Variants in COL4A2 observed in about 807,000 individuals in gnomAD.
The protein encoded by COL4A2 is collagen alpha-2(IV) chain.
In COL4A2, 99 loss-of-function variants were observed where a neutral mutation model predicts 200.2. That is an observed-to-expected ratio of 0.49 (90% CI 0.42 to 0.58). The LOEUF (loss-of-function observed/expected upper bound fraction) is 0.58. COL4A2 is among the 20% of genes least tolerant of loss of function. The pLI, the probability that COL4A2 is intolerant of heterozygous loss-of-function variation, is 0.00. For missense variants in COL4A2, 1,950 were observed against 2,314.1 expected, an observed-to-expected ratio of 0.84 and a Z score of 3.23; for synonymous variants, 897 against 900.6, an observed-to-expected ratio of 1.00 and a Z score of 0.07.
intron 8 of COL4A2, chr13:110,430,190 T>G (rs371699757): frequency 3.0e-6 from 2 of 672,544 alleles, no homozygotes; most frequent in East Asian, 6.5e-5. Flanking sequence ...AAATTAGTAC[T>G]TGTAGTTAAT....
At chr13:110,343,071 C>T (rs1463448540) in intron 3 of COL4A2, among the ~76,000 whole-genome samples, 1 of 152,128 alleles carries the variant, frequency 6.6e-6, no homozygotes, top group East Asian at 1.9e-4. Context: ...AGGTTAGCGT[C>T]CAAAACTTGG....
At chr13:110,326,286 A>G (rs1172653027) in intron 3 of COL4A2, among the ~76,000 whole-genome samples, 1 of 152,214 alleles carries the variant, frequency 6.6e-6, no homozygotes, top group African/African-American at 2.4e-5. Flanking sequence ...TGCTGGTAGA[A>G]TTAAATTCTA....
intron 32 of COL4A2, among the ~76,000 whole-genome samples, chr13:110,484,018 A>AT (rs1338929893): frequency 6.7e-6 from 1 of 148,796 alleles, no homozygotes; most frequent in Non-Finnish European, 1.5e-5. Context: ...TAGGGTGCTC[A>AT]TTTTTTTTAA....
intron 4 of COL4A2, among the ~76,000 whole-genome samples, chr13:110,377,567 C>G (rs1207014304): frequency 1.3e-5 from 2 of 152,176 alleles, no homozygotes; most frequent in Non-Finnish European, 2.9e-5. Context: ...CATGGGGAAT[C>G]AGGAGGGTGG....
intron 4 of COL4A2, among the ~76,000 whole-genome samples, chr13:110,420,149 C>G (rs1880192537): frequency 6.6e-6 from 1 of 152,130 alleles, no homozygotes; most frequent in Non-Finnish European, 1.5e-5. Context: ...TCCCTTGGAG[C>G]AGTAAGGGCC....
At chr13:110,347,912 C>T (rs1043525982) in intron 3 of COL4A2, among the ~76,000 whole-genome samples, 14 of 152,238 alleles carry the variant, frequency 9.2e-5, no homozygotes, top group African/African-American at 3.4e-4. Context: ...GGGCACCGAA[C>T]GTCATGCCTC....
At chr13:110,464,192 G>T (rs1882141906) in intron 24 of COL4A2, among the ~76,000 whole-genome samples, 1 of 152,186 alleles carries the variant, frequency 6.6e-6, no homozygotes, top group Non-Finnish European at 1.5e-5. Context: ...CCAGCCATGG[G>T]GTTCACCCAC....
intron 3 of COL4A2, among the ~76,000 whole-genome samples, 154 bp downstream of exon 3, chr13:110,308,277 C>T (rs956549410): frequency 1.3e-5 from 2 of 152,216 alleles, no homozygotes; most frequent in African/African-American, 4.8e-5. Flanking sequence ...AGAAAGCTTG[C>T]TCTTCCCTCA....
chr13:110,315,267 T>G (rs1658235165), intron 3 of COL4A2, among the ~76,000 whole-genome samples: 1 of 152,238 alleles, frequency 6.6e-6, no homozygotes, highest in South Asian at 2.1e-4. Flanking sequence ...CATTTCAGGG[T>G]CTAGCTAAAG....
At chr13:110,465,286 TGTC>T in intron 24 of COL4A2, 116 bp from the exon 25 acceptor site, 1 of 1,303,562 alleles carries the variant, frequency 7.7e-7, no homozygotes, top group Non-Finnish European at 1.0e-6. Flanking sequence ...TCATCTCTGT[TGTC>T]TTTCTGTTCT....
chr13:110,500,999 C>T (rs1002725822), intron 40 of COL4A2, among the ~76,000 whole-genome samples: 8 of 152,208 alleles, frequency 5.3e-5, no homozygotes, highest in South Asian at 2.1e-4. Context: ...GACAAGGACA[C>T]GTGTGTACAG....
rs952607220 is a variant in COL4A2, at chr13:110,307,715, G to A, written c.-44-145G>A. ...CTAACGGGAGGCTCTCCTTCTTTCC[G>A]GGTCGTGGGGGGGACGGCCCTCCGG... On this transcript the variant is annotated intron_variant, in intron 1 of 47. Transcript: ENST00000360467. This position sits in a 1 kb window ranked among gnomAD's most constrained non-coding sequence, Gnocchi z 5.0. The A allele has an allele frequency of 9.5e-6, 7 of 737,060 alleles. No homozygotes were observed. In the African/African-American group the frequency reaches 1.1e-4, roughly 11 times the overall value. 45.7% of individuals were successfully genotyped at this position (737,060 alleles called of 1,614,324 possible). A position where few individuals can be genotyped will look rare whatever the true frequency, so the allele number is the denominator to read the frequency against.
At chr13:110,438,710 GGTTTTTTTCA>G in intron 15 of COL4A2, 42 bp downstream of exon 15, 2 of 1,613,704 alleles carry the variant, frequency 1.2e-6, no homozygotes, top group East Asian at 4.5e-5. Flanking sequence ...GGTTTGGTTT[GGTTTTTTTCA>G]GTAGGCTTTC....
intron 30 of COL4A2, among the ~76,000 whole-genome samples, chr13:110,479,219 G>C (rs1158164263): frequency 5.3e-5 from 8 of 151,722 alleles, no homozygotes; most frequent in Admixed American, 4.6e-4. Flanking sequence ...CCATGGGAAA[G>C]CCTGTCCTGA....
chr13:110,442,096 A>T (rs1192667168), intron 16 of COL4A2, among the ~76,000 whole-genome samples: 1 of 127,278 alleles, frequency 7.9e-6, no homozygotes, highest in Non-Finnish European at 1.7e-5. Flanking sequence ...TCAAAAAAAA[A>T]AAAAAAAAAA....
chr13:110,400,103 C>A (rs1408769721), intron 4 of COL4A2, among the ~76,000 whole-genome samples: 1 of 151,674 alleles, frequency 6.6e-6, no homozygotes, highest in African/African-American at 2.4e-5. Flanking sequence ...CTTCTGCAAC[C>A]TCACTAACTA....
chr13:110,447,647 C>T (rs1441444769), intron 18 of COL4A2, among the ~76,000 whole-genome samples: 1 of 152,196 alleles, frequency 6.6e-6, no homozygotes, highest in Non-Finnish European at 1.5e-5. Flanking sequence ...ATAGTCAGCT[C>T]TGTGAGGACA....
At chr13:110,411,454 C>T (rs1879833903) in intron 4 of COL4A2, among the ~76,000 whole-genome samples, 1 of 152,262 alleles carries the variant, frequency 6.6e-6, no homozygotes, top group South Asian at 2.1e-4. Context: ...CTCTGCATAC[C>T]TTTTGACCAG....
At chr13:110,424,699 T>G in intron 4 of COL4A2, 35 bp from the exon 5 acceptor site, 1 of 1,493,464 alleles carries the variant, frequency 6.7e-7, no homozygotes, top group Non-Finnish European at 9.2e-7. Flanking sequence ...GTATTGTGAT[T>G]AATCGTGGAA....
Sources: allele counts gnomAD v4.1 joint callset (sites outside exome capture counted in the v4.1 genomes callset), GRCh38; gene constraint gnomAD v4.1.1; non-coding constraint Gnocchi (gnomAD v3.1); transcripts MANE v1.5; gene names NCBI Gene and HGNC (gene_info 2026-07-23, HGNC 2026-07-21).